MEIS2: variants seen among roughly 807,000 people sequenced by gnomAD.
MEIS2 encodes Meis homeobox 2, also known as homeobox protein Meis2.
In MEIS2, 9 loss-of-function variants were observed where a neutral mutation model predicts 58.6. That is an observed-to-expected ratio of 0.15 (90% CI 0.09 to 0.27). MEIS2 has a LOEUF of 0.27. Among genes scored for constraint, MEIS2 ranks in the 10% least tolerant of loss-of-function variants. The probability of loss-of-function intolerance (pLI) is 1.00; values close to 1 mark genes in which losing one functional copy is unlikely to be tolerated. For missense variants in MEIS2, 427 were observed against 635.0 expected (o/e 0.67, Z 3.52); for synonymous variants, 221 against 228.4 (o/e 0.97, Z 0.29).
intron 8 of MEIS2, chr15:36,972,685 T>G (rs1385456509): frequency 6.6e-6 from 1 of 152,228 alleles, no homozygotes; most frequent in Non-Finnish European, 1.5e-5. Context: ...CCAACACCTC[T>G]CCTGGTTTCC....
chr15:36,972,962 C>G (rs1317642712), intron 8 of MEIS2: 1 of 152,120 alleles, frequency 6.6e-6, no homozygotes, highest in East Asian at 1.9e-4. Context: ...TCTTTTAAAT[C>G]TCTTAAGTAT....
rs2055777095 is a variant in MEIS2, at chr15:36,889,297, A to G, written c.*2876T>C. 6.6e-6 allele frequency: 1 copy of G among 152,128 alleles called. No individual in the cohort carries two copies. The highest frequency in any genetic ancestry group is 1.5e-5 in the Non-Finnish European group (1 of 68,030). The allele number at this position is 152,128 out of a possible 1,614,324, so 9.4% of individuals were successfully genotyped here. ...ACCATTCCCAGTTTCTTTGCTTTTG[A>G]CAGCTGAGTCTTTCTTAAATATACC... On this transcript the variant is annotated 3_prime_UTR_variant, in exon 12 of 12. Transcript: ENST00000561208.
intron 7 of MEIS2, among the ~76,000 whole-genome samples, chr15:37,048,224 T>A (rs990043992): frequency 6.6e-6 from 1 of 152,310 alleles, no homozygotes; most frequent in South Asian, 2.1e-4. Flanking sequence ...ATTAACTACA[T>A]CAAACCTATA....
intron 7 of MEIS2, chr15:37,051,000 C>T (rs1396238825): frequency 1.3e-5 from 2 of 152,140 alleles, no homozygotes; most frequent in Admixed American, 6.6e-5. Context: ...TCAGTTTCCT[C>T]ATCTGTGAAA....
chr15:36,973,490 T>C (rs2059637114), intron 8 of MEIS2, among the ~76,000 whole-genome samples: 1 of 152,186 alleles, frequency 6.6e-6, no homozygotes, highest in Non-Finnish European at 1.5e-5. Flanking sequence ...AAAAGGAGAG[T>C]AGGCATAAAA....
chr15:36,914,355 A>G lies in MEIS2; in HGVS notation c.978-17669T>C, dbSNP rs1376633986. ...TGGCATACTGCAAATATGTCCCATG[A>G]CATGCATAATATACTTTTCAAAAAT... On this transcript the variant is annotated intron_variant, in intron 9 of 11. Coordinates refer to ENST00000561208, the MANE Select transcript of MEIS2 (RefSeq NM_170675.5). 2.0e-5 allele frequency among the ~76,000 whole-genome samples: 3 copies of G among 152,276 alleles called. No homozygotes were observed. In the East Asian group the frequency reaches 5.8e-4, roughly 29 times the overall value.
intron 9 of MEIS2, among the ~76,000 whole-genome samples, chr15:36,905,749 A>C (rs532840139): frequency 1.3e-5 from 2 of 152,240 alleles, no homozygotes; most frequent in African/African-American, 4.8e-5. Context: ...ACAGAATATA[A>C]GACAAAGTTA....
rs16964359 is a variant in MEIS2 at position 36,933,036 on chromosome 15, C to A, written c.977+17288G>T. 6.4e-3 allele frequency among the ~76,000 whole-genome samples: 975 copies of A among 152,220 alleles called. 6 individuals carry two copies. Among genetic ancestry groups the A allele is most frequent in the African/African-American group, 0.02 (842 of 41,538 alleles). On this transcript the variant is annotated intron_variant, in intron 9 of 11. Transcript: ENST00000561208. ...ACATGAAACACACGCTATGTTTGGGCCCCCTTCTCTCAGCACCCACAGTGG... is the reference window on the plus strand; with the variant it reads ...ACATGAAACACACGCTATGTTTGGGACCCCTTCTCTCAGCACCCACAGTGG...
rs891174932 is a variant in MEIS2, at chr15:37,070,869, T to C, written c.754+12902A>G. Among the ~76,000 whole-genome samples, 9 of 152,098 alleles carry C rather than the reference T, an allele frequency of 5.9e-5. No individual in the cohort carries two copies. The South Asian group carries it at 1.9e-3, about 32-fold the overall frequency. The stretch of plus-strand genomic sequence containing the variant: ...TACTTTAGAGAGAATGTCAAAGCTT[T>C]ATTTTTTTTAAAGAGCTATTTGAAA... On this transcript the variant is annotated intron_variant, in intron 7 of 11. Transcript: ENST00000561208.
chr15:37,010,145 T>C (rs1170845623), intron 8 of MEIS2, among the ~76,000 whole-genome samples: 1 of 152,038 alleles, frequency 6.6e-6, no homozygotes, highest in African/African-American at 2.4e-5. Context: ...TGGAGTGCAG[T>C]GGCGCGATCT....
intron 8 of MEIS2, among the ~76,000 whole-genome samples, chr15:37,004,547 G>A (rs761031275): frequency 2.6e-5 from 4 of 152,164 alleles, no homozygotes; most frequent in Non-Finnish European, 5.9e-5. Context: ...TCTGTTACAC[G>A]TGTCAGCATG....
chr15:36,948,210 C>T (rs1209640844), intron 9 of MEIS2, among the ~76,000 whole-genome samples: 1 of 151,870 alleles, frequency 6.6e-6, no homozygotes, highest in Admixed American at 6.6e-5. Flanking sequence ...TGCTGTGTGA[C>T]AGACTGTCAC....
chr15:36,925,535 A>C lies in MEIS2; in HGVS notation c.977+24789T>G, dbSNP rs370315888. ...CATAAATACCAACCAAATTCAAACA[A>C]AACTGATTTAGATTTCACCTCGTCA... On this transcript the variant is annotated intron_variant, in intron 9 of 11. Coordinates refer to ENST00000561208, the MANE Select transcript of MEIS2 (RefSeq NM_170675.5). Among the ~76,000 whole-genome samples, 4 of 152,352 alleles carry C rather than the reference A, an allele frequency of 2.6e-5. No homozygotes were observed. In the East Asian group the frequency reaches 5.8e-4, roughly 22 times the overall value.
chr15:36,979,323 C>A (rs755308588), intron 8 of MEIS2, among the ~76,000 whole-genome samples: 10 of 151,966 alleles, frequency 6.6e-5, no homozygotes, highest in Non-Finnish European at 1.2e-4. Context: ...TGCATATATT[C>A]AAAATCTGAA....
At chr15:36,925,829 A>G (rs2057725639) in intron 9 of MEIS2, among the ~76,000 whole-genome samples, 1 of 152,102 alleles carries the variant, frequency 6.6e-6, no homozygotes, top group Non-Finnish European at 1.5e-5. Context: ...CCAGTGTGTG[A>G]CATCTTCGCT....
At chr15:36,967,226 T>C (rs567620829) in intron 8 of MEIS2, among the ~76,000 whole-genome samples, 1 of 152,216 alleles carries the variant, frequency 6.6e-6, no homozygotes, top group Admixed American at 6.5e-5. Context: ...CACTAGTATT[T>C]GTAAATATAA....
chr15:37,004,640 A>C (rs192041063), intron 8 of MEIS2, among the ~76,000 whole-genome samples: 59 of 152,166 alleles, frequency 3.9e-4, no homozygotes, highest in African/African-American at 1.4e-3. Flanking sequence ...TGTCATTAGC[A>C]CTCTTGATAC....
chr15:37,080,954 G>C (rs1485730250), intron 7 of MEIS2, among the ~76,000 whole-genome samples: 1 of 152,074 alleles, frequency 6.6e-6, no homozygotes, highest in East Asian at 1.9e-4. Context: ...AGGAAAAGAT[G>C]AACTTTCACC....
At chr15:37,096,067 T>C (rs948763743) in intron 3 of MEIS2, 1 of 512,196 alleles carries the variant, frequency 2.0e-6, no homozygotes, top group Non-Finnish European at 3.4e-6. Context: ...AATTCGAGGG[T>C]CGACCCCTGT....
Sources: allele counts gnomAD v4.1 joint callset (sites outside exome capture counted in the v4.1 genomes callset), GRCh38; gene constraint gnomAD v4.1.1; transcripts MANE v1.5; gene names NCBI Gene and HGNC (gene_info 2026-07-23, HGNC 2026-07-21).